Variants in ZBTB8OS observed in about 807,000 individuals in gnomAD.
The protein encoded by ZBTB8OS is tRNA splicing ligase complex subunit 1.
A neutral mutation model predicts 29.3 loss-of-function variants in ZBTB8OS; 16 were observed. The observed-to-expected ratio is 0.55, with a 90% CI of 0.37 to 0.83. ZBTB8OS has a LOEUF of 0.83. ZBTB8OS is among the 40% of genes least tolerant of loss of function. The pLI, the probability that ZBTB8OS is intolerant of heterozygous loss-of-function variation, is 0.00. For missense variants in ZBTB8OS, 160 were observed against 196.9 expected, an observed-to-expected ratio of 0.81 and a Z score of 1.12; for synonymous variants, 70 against 64.6, an observed-to-expected ratio of 1.08 and a Z score of -0.40.
intron 5 of ZBTB8OS, among the ~76,000 whole-genome samples, chr1:32,628,163 G>A (rs576944101): frequency 2.0e-3 from 300 of 151,692 alleles, no homozygotes; most frequent in Non-Finnish European, 3.7e-3. Context: ...TTTGAGACCA[G>A]CCTGACCAAC....
At chr1:32,633,519 A>G (rs967498224) in intron 4 of ZBTB8OS, 126 bp downstream of exon 4, 1 of 683,612 alleles carries the variant, frequency 1.5e-6, no homozygotes, top group Non-Finnish European at 2.5e-6. Context: ...AATCTCTGCA[A>G]ATCAGTATCA....
chr1:32,638,867 T>C (rs971943984), intron 1 of ZBTB8OS, among the ~76,000 whole-genome samples: 1 of 152,010 alleles, frequency 6.6e-6, no homozygotes, highest in Non-Finnish European at 1.5e-5. Context: ...TGAGTTGAGA[T>C]CGCACTACTG....
At chr1:32,645,091 A>C (rs1646736167) in intron 1 of ZBTB8OS, among the ~76,000 whole-genome samples, 1 of 151,984 alleles carries the variant, frequency 6.6e-6, no homozygotes, top group African/African-American at 2.4e-5. Flanking sequence ...AGGCAGGAGA[A>C]TTGTTTGCAC....
intron 3 of ZBTB8OS, 34 bp downstream of exon 3, chr1:32,633,917 A>T (rs185331788): frequency 6.5e-7 from 1 of 1,545,936 alleles, no homozygotes; most frequent in South Asian, 1.3e-5. Flanking sequence ...ACAGTACTGT[A>T]TAACAATTTC....
intron 1 of ZBTB8OS, among the ~76,000 whole-genome samples, chr1:32,635,138 A>C (rs1645857567): frequency 6.6e-6 from 1 of 152,108 alleles, no homozygotes; most frequent in African/African-American, 2.4e-5. Flanking sequence ...CCTAGATAAA[A>C]TCAATTTAGA....
intron 1 of ZBTB8OS, among the ~76,000 whole-genome samples, chr1:32,639,266 C>A (rs969959258): frequency 6.6e-6 from 1 of 150,580 alleles, no homozygotes; most frequent in East Asian, 2.0e-4. Flanking sequence ...CCACTGCACT[C>A]CAGCCTGGGC....
chr1:32,635,753 C>A (rs769568554), intron 1 of ZBTB8OS, among the ~76,000 whole-genome samples: 5 of 152,124 alleles, frequency 3.3e-5, no homozygotes, highest in Non-Finnish European at 5.9e-5. Context: ...TTACTTCTAA[C>A]CTGTAAATTG....
intron 4 of ZBTB8OS, 120 bp from the exon 5 acceptor site, chr1:32,631,999 T>C (rs1645599739): frequency 2.4e-6 from 1 of 421,112 alleles, no homozygotes; most frequent in East Asian, 4.6e-5. Flanking sequence ...AACCTTTTTT[T>C]TTTTTTTTTT....
chr1:32,634,461 A>G, intron 2 of ZBTB8OS: 1 of 433,180 alleles, frequency 2.3e-6, no homozygotes. Flanking sequence ...TCCTGACCTC[A>G]TGATCCGTCC....
At chr1:32,650,592 A>C (rs775137306), upstream of ZBTB8OS, 4 of 1,612,078 alleles carry the variant, frequency 2.5e-6, no homozygotes, top group Non-Finnish European at 3.4e-6. Flanking sequence ...CGGAGTTACT[A>C]CTTCCGCTCT....
chr1:32,629,749 CTTTTTTTTTTTT>C (rs869185319), intron 5 of ZBTB8OS, among the ~76,000 whole-genome samples: 11 of 114,124 alleles, frequency 9.6e-5, no homozygotes, highest in Admixed American at 8.9e-4. Context: ...ATGCTTGTTT[CTTTTTTTTTTTT>C]TTTTTTTTTT....
In ZBTB8OS at chr1:32,634,029, A is replaced by G; in HGVS notation, c.166T>C (p.Cys56Arg). ...GDTLEEAFEQCAMAMFGYMTD... is the reference protein window; with the variant it reads ...GDTLEEAFEQRAMAMFGYMTD... ...ATGTAACCAAACATGGCCATTGCAC[A>G]TTGCTCAAATGCTTCCTCCAGAGTA... The change falls in exon 3 of 7, where the codon TGT (cysteine) becomes CGT (arginine). Residue 56 changes from cysteine (C) to arginine (R), a missense_variant. By Grantham distance (180) the Cys-to-Arg change is radical. Coordinates refer to ENST00000468695, the MANE Select transcript of ZBTB8OS (RefSeq NM_178547.5). The G allele has an allele frequency of 6.2e-7, 1 of 1,603,918 alleles. No individual in the cohort carries two copies. The highest frequency in any genetic ancestry group is 8.5e-7 in the Non-Finnish European group (1 of 1,177,710).
intron 3 of ZBTB8OS, 99 bp from the exon 4 acceptor site, chr1:32,633,826 G>T (rs1323504018): frequency 6.8e-7 from 1 of 1,468,550 alleles, no homozygotes; most frequent in African/African-American, 1.4e-5. Flanking sequence ...AGTTTAAAGA[G>T]AAAGAAAAGA....
At chr1:32,635,886 C>G (rs1334155222) in intron 1 of ZBTB8OS, among the ~76,000 whole-genome samples, 1 of 152,146 alleles carries the variant, frequency 6.6e-6, no homozygotes, top group Non-Finnish European at 1.5e-5. Flanking sequence ...TGGGGACCAA[C>G]CAGTCTGTCT....
intron 3 of ZBTB8OS, 109 bp downstream of exon 3, chr1:32,633,842 C>T (rs903367682): frequency 4.1e-6 from 6 of 1,474,956 alleles, no homozygotes; most frequent in Non-Finnish European, 5.5e-6. Context: ...AAAGACTCAT[C>T]CTTAATTTTC....
chr1:32,634,853 C>T, intron 1 of ZBTB8OS, 61 bp from the exon 2 acceptor site: 1 of 1,085,444 alleles, frequency 9.2e-7, no homozygotes, highest in Non-Finnish European at 1.4e-6. Context: ...ATCACACACA[C>T]AAAATAACTC....
chr1:32,636,727 G>A (rs1026696928), intron 1 of ZBTB8OS, among the ~76,000 whole-genome samples: 6 of 151,544 alleles, frequency 4.0e-5, no homozygotes, highest in Non-Finnish European at 7.4e-5. Context: ...GAAGAAGAGG[G>A]TCAGGTCCCT....
intron 6 of ZBTB8OS, among the ~76,000 whole-genome samples, chr1:32,622,761 TA>T (rs57310270): frequency 0.17 from 24,820 of 142,532 alleles, 4,225 homozygotes; most frequent in African/African-American, 0.44. Flanking sequence ...TGAGGATGAT[TA>T]AAAAAAAAAA....
intron 5 of ZBTB8OS, 44 bp downstream of exon 5, chr1:32,631,783 G>C: frequency 7.2e-7 from 1 of 1,386,720 alleles, no homozygotes; most frequent in South Asian, 1.3e-5. Flanking sequence ...ATTCAATGAA[G>C]AATATAACTT....
Sources: gnomAD v4.1 joint callset for allele counts (sites outside exome capture counted in the v4.1 genomes callset) on GRCh38, gnomAD v4.1.1 for gene constraint, MANE v1.5 for transcripts, NCBI Gene and HGNC (gene_info 2026-07-23, HGNC 2026-07-21) for gene names.